Variants in APBA2 observed in about 807,000 individuals in gnomAD.
APBA2 encodes amyloid-beta A4 precursor protein-binding family A member 2.
Under a neutral mutation model 75.0 loss-of-function variants are expected in APBA2, and 30 were observed. That is an observed-to-expected ratio of 0.40 (90% CI 0.30 to 0.54). The LOEUF (loss-of-function observed/expected upper bound fraction) is 0.54. Ranked by LOEUF, APBA2 falls within the 20% of genes least tolerant of loss-of-function variation. APBA2 has a pLI of 0.49. For missense variants in APBA2, 801 were observed against 1,016.1 expected (o/e 0.79, Z 2.88); for synonymous variants, 444 against 409.6 (o/e 1.08, Z -1.01).
chr15:28,941,690 T>C (rs868537508), intron 2 of APBA2, among the ~76,000 whole-genome samples: 24 of 152,306 alleles, frequency 1.6e-4, no homozygotes, highest in Middle Eastern at 3.4e-3. Flanking sequence ...GAGTGGCCGG[T>C]AGGGCCCCTC....
rs555744894 is a variant in APBA2, at chr15:28,909,854, A to T, written c.-204-11786A>T. 3.9e-4 allele frequency among the ~76,000 whole-genome samples: 59 copies of T among 152,310 alleles called. No homozygotes were observed. In the Middle Eastern group the frequency reaches 0.017, roughly 44 times the overall value. On this transcript the variant is annotated intron_variant, in intron 1 of 14. Coordinates refer to ENST00000683413, the MANE Select transcript of APBA2 (RefSeq NM_001353788.2). ...CTTCTGTGTTCCCAGAGTTAGGTGG[A>T]AGCTCTTAGAAGGATCTCTTTTATC...
intron 1 of APBA2, among the ~76,000 whole-genome samples, chr15:28,913,120 A>G (rs2152653564): frequency 6.6e-6 from 1 of 152,354 alleles, no homozygotes; most frequent in East Asian, 1.9e-4. Context: ...CAGATGGGCA[A>G]GGATTGAGTG....
chr15:29,079,980 A>G (rs2043018072), intron 6 of APBA2, among the ~76,000 whole-genome samples: 1 of 152,012 alleles, frequency 6.6e-6, no homozygotes, highest in Admixed American at 6.6e-5. Flanking sequence ...AGGTTAGAAA[A>G]CTGATGCACA....
intron 2 of APBA2, among the ~76,000 whole-genome samples, chr15:28,986,255 C>T (rs1487677142): frequency 6.6e-6 from 1 of 152,276 alleles, no homozygotes; most frequent in African/African-American, 2.4e-5. Context: ...CCAACATCTG[C>T]AAACATTAAC....
At chr15:29,096,937 G>A (rs979721285) in intron 8 of APBA2, among the ~76,000 whole-genome samples, 5 of 152,278 alleles carry the variant, frequency 3.3e-5, no homozygotes, top group Middle Eastern at 6.8e-3. Flanking sequence ...TCCTAGTTTG[G>A]GGCAGACTCT....
chr15:29,071,313 CT>C (rs938214904), intron 4 of APBA2, among the ~76,000 whole-genome samples: 46 of 152,136 alleles, frequency 3.0e-4, no homozygotes, highest in African/African-American at 9.6e-4. Flanking sequence ...ACAGTTGCCC[CT>C]GAGTCCCGTG....
At chr15:28,890,557 G>A (rs1453953311) in intron 1 of APBA2, among the ~76,000 whole-genome samples, 1 of 152,200 alleles carries the variant, frequency 6.6e-6, no homozygotes, top group East Asian at 1.9e-4. Flanking sequence ...TCTCTTGCCT[G>A]TGTCCTGGCC....
chr15:29,037,635 C>T (rs906498461), intron 3 of APBA2, among the ~76,000 whole-genome samples: 3 of 152,154 alleles, frequency 2.0e-5, no homozygotes, highest in Non-Finnish European at 2.9e-5. Flanking sequence ...ACCCTTGACT[C>T]TCCTTGTTAG....
intron 1 of APBA2, among the ~76,000 whole-genome samples, chr15:28,895,246 G>C (rs1324821817): frequency 6.6e-6 from 1 of 152,206 alleles, no homozygotes; most frequent in African/African-American, 2.4e-5. Context: ...TGACAGCGCA[G>C]GTGTGGCCTC....
At chr15:29,045,103 C>CTCTCTCTCTCTCTCAT (rs57446098) in intron 3 of APBA2, among the ~76,000 whole-genome samples, 1 of 140,288 alleles carries the variant, frequency 7.1e-6, no homozygotes, top group African/African-American at 2.7e-5. Flanking sequence ...CTCTCTCTCT[C>CTCTCTCTCTCTCTCAT]GTCTCGCACT....
chr15:28,931,950 A>G (rs1358185797), intron 2 of APBA2, among the ~76,000 whole-genome samples: 1 of 152,230 alleles, frequency 6.6e-6, no homozygotes, highest in African/African-American at 2.4e-5. Context: ...GCAGAGGGGC[A>G]TCCAGGACAG....
intron 2 of APBA2, among the ~76,000 whole-genome samples, chr15:28,973,964 C>A (rs2037204296): frequency 6.6e-6 from 1 of 152,078 alleles, no homozygotes; most frequent in African/African-American, 2.4e-5. Context: ...CAATATAACA[C>A]TAAAGAATAG....
At chr15:29,076,242 T>C in intron 6 of APBA2, 151 bp downstream of exon 6, 2 of 861,374 alleles carry the variant, frequency 2.3e-6, no homozygotes, top group Non-Finnish European at 3.9e-6. Context: ...GTTTGAACAC[T>C]GTGTAGCCCC....
chr15:28,979,723 G>T (rs1160597195), intron 2 of APBA2, among the ~76,000 whole-genome samples: 1 of 152,166 alleles, frequency 6.6e-6, no homozygotes, highest in Non-Finnish European at 1.5e-5. Context: ...CCAAGTTGGG[G>T]GTGAGATGGA....
chr15:29,019,920 G>C (rs1329052733), intron 3 of APBA2, among the ~76,000 whole-genome samples: 3 of 152,246 alleles, frequency 2.0e-5, no homozygotes, highest in Non-Finnish European at 2.9e-5. Context: ...AATGGCTACA[G>C]AGTGGTTTGG....
At chr15:28,995,693 G>T (rs2038480448) in intron 2 of APBA2, 60 bp from the exon 3 acceptor site, 1 of 152,204 alleles carries the variant, frequency 6.6e-6, no homozygotes, top group Admixed American at 6.5e-5. Context: ...CTCTATGTGC[G>T]CACCTGTATC....
At chr15:29,086,619 A>G (rs945067786) in intron 6 of APBA2, among the ~76,000 whole-genome samples, 5 of 152,214 alleles carry the variant, frequency 3.3e-5, no homozygotes, top group African/African-American at 1.2e-4. Context: ...AACAATACCA[A>G]ACACTGCCAA....
intron 14 of APBA2, among the ~76,000 whole-genome samples, chr15:29,116,131 C>T (rs988162147): frequency 2.6e-5 from 4 of 152,176 alleles, no homozygotes; most frequent in East Asian, 1.9e-4. Flanking sequence ...TTACAAGGCG[C>T]GCCACCCACA....
Position 28,890,771 on chromosome 15 carries a change from A to C in APBA2, c.-205+4493A>C, listed in dbSNP as rs535181619. Among the ~76,000 whole-genome samples the C allele has an allele frequency of 2.0e-5, 3 of 152,336 alleles. No individual in the cohort carries two copies. In the East Asian group the frequency reaches 5.8e-4, roughly 29 times the overall value. ...CTTGCCTGCGGTTGTTTTGAGGCAC[A>C]AATGAGATGCAATATTTAACTGATG... On this transcript the variant is annotated intron_variant, in intron 1 of 14. Transcript: ENST00000683413.
Sources: gnomAD v4.1 joint callset for allele counts (sites outside exome capture counted in the v4.1 genomes callset) on GRCh38, gnomAD v4.1.1 for gene constraint, MANE v1.5 for transcripts, NCBI Gene and HGNC (gene_info 2026-07-23, HGNC 2026-07-21) for gene names.